Variants in ZC3H12B observed in about 807,000 individuals in gnomAD.
ZC3H12B encodes the protein zinc finger CCCH-type containing 12B, also known as probable ribonuclease ZC3H12B.
ZC3H12B carries 7 observed loss-of-function variants against 43.9 expected under a neutral mutation model. The observed-to-expected ratio is 0.16, with a 90% CI of 0.09 to 0.30. The LOEUF (loss-of-function observed/expected upper bound fraction) is 0.30, where lower values mean the gene tolerates loss of function less well. ZC3H12B is among the 10% of genes least tolerant of loss of function. ZC3H12B has a pLI of 1.00. For missense variants in ZC3H12B, 475 were observed against 670.2 expected (o/e 0.71, Z 3.22); for synonymous variants, 222 against 241.7 (o/e 0.92, Z 0.76).
chrX:65,106,268 G>T, the ZC3H12B span, among the ~76,000 whole-genome samples: 3 of 111,958 alleles, frequency 2.7e-5, no homozygotes, highest in Admixed American at 1.9e-4. Context: ...TAAATTAGAT[G>T]AGTAGATAAA....
chrX:65,145,757 G>A, the ZC3H12B span, among the ~76,000 whole-genome samples: 2 of 111,360 alleles, frequency 1.8e-5, no homozygotes, highest in Non-Finnish European at 3.8e-5. Flanking sequence ...AGTTTTGCTG[G>A]GTACAAAATC....
chrX:65,434,078 G>T (rs1269528215), intron 3 of ZC3H12B, among the ~76,000 whole-genome samples: 1 of 111,566 alleles, frequency 9.0e-6, no homozygotes, highest in African/African-American at 3.3e-5. Context: ...TAGTAAGTAT[G>T]CCAATCTTGT....
the ZC3H12B span, among the ~76,000 whole-genome samples, chrX:65,155,426 C>G: frequency 8.9e-6 from 1 of 111,888 alleles, no homozygotes; most frequent in Non-Finnish European, 1.9e-5. Flanking sequence ...CTGGGCTAAA[C>G]CCACTTTGAT....
intron 3 of ZC3H12B, among the ~76,000 whole-genome samples, chrX:65,407,506 C>A (rs2066846013): frequency 8.8e-6 from 1 of 113,466 alleles, no homozygotes; most frequent in Non-Finnish European, 1.9e-5. Flanking sequence ...AGCACCCGGG[C>A]CGAGGGCGCA....
intron 2 of ZC3H12B, among the ~76,000 whole-genome samples, chrX:65,377,137 A>G (rs1448896916): frequency 1.8e-5 from 2 of 109,221 alleles, no homozygotes; most frequent in African/African-American, 6.7e-5. Flanking sequence ...AGAATGCACC[A>G]AAGTCTTTTA....
chrX:65,066,268 T>C, the ZC3H12B span, among the ~76,000 whole-genome samples: 1 of 111,707 alleles, frequency 9.0e-6, no homozygotes, highest in Non-Finnish European at 1.9e-5. Context: ...TTTTTCCTTA[T>C]CTTCATGGAT....
chrX:65,095,705 C>A, the ZC3H12B span, among the ~76,000 whole-genome samples: 1 of 111,848 alleles, frequency 8.9e-6, no homozygotes, highest in Admixed American at 9.5e-5. Flanking sequence ...AACTGTTTTA[C>A]CAGAGCCTAA....
upstream of ZC3H12B, among the ~76,000 whole-genome samples, chrX:65,362,878 C>G (rs986404444): frequency 3.6e-5 from 4 of 111,429 alleles, no homozygotes; most frequent in Non-Finnish European, 7.5e-5. Context: ...TGCCTATCCA[C>G]CCCGTGGTGC....
chrX:65,421,216 CA>C (rs2067013623), intron 3 of ZC3H12B, among the ~76,000 whole-genome samples: 1 of 112,336 alleles, frequency 8.9e-6, no homozygotes, highest in African/African-American at 3.2e-5. Flanking sequence ...TACTAAAAGT[CA>C]AATTATCTGT....
At chrX:65,477,080 A>G (rs1483301552) in intron 3 of ZC3H12B, among the ~76,000 whole-genome samples, 1 of 104,752 alleles carries the variant, frequency 9.5e-6, no homozygotes, top group Non-Finnish European at 1.9e-5. Flanking sequence ...ATGACCTGCC[A>G]GCTTCAGACT....
At chrX:65,315,415 T>C in the ZC3H12B span, among the ~76,000 whole-genome samples, 1 of 111,203 alleles carries the variant, frequency 9.0e-6, no homozygotes, top group Non-Finnish European at 1.9e-5. Flanking sequence ...CATTTGAAAA[T>C]ACATTTGAGA....
chrX:65,262,219 A>C, the ZC3H12B span, among the ~76,000 whole-genome samples: 9 of 111,382 alleles, frequency 8.1e-5, no homozygotes, highest in Non-Finnish European at 1.3e-4. Flanking sequence ...ACTGTTTTTC[A>C]AGTCATTCAT....
chrX:65,156,613 C>T, the ZC3H12B span, among the ~76,000 whole-genome samples: 1 of 110,888 alleles, frequency 9.0e-6, no homozygotes, highest in African/African-American at 3.3e-5. Context: ...ACTCTCGACC[C>T]CAGGTAATCC....
chrX:65,299,716 T>A, the ZC3H12B span, among the ~76,000 whole-genome samples: 3 of 112,055 alleles, frequency 2.7e-5, no homozygotes, highest in Admixed American at 2.8e-4. Context: ...AGGCTCCCAG[T>A]GTGAAATTTT....
the ZC3H12B span, among the ~76,000 whole-genome samples, chrX:65,167,115 C>T: frequency 8.1e-5 from 9 of 111,764 alleles, no homozygotes; most frequent in Non-Finnish European, 1.1e-4. Flanking sequence ...GAAGTACTTG[C>T]CCATGCCTAT....
chrX:65,245,541 G>T, the ZC3H12B span, among the ~76,000 whole-genome samples: 1 of 112,076 alleles, frequency 8.9e-6, no homozygotes, highest in Middle Eastern at 4.6e-3. Flanking sequence ...GTCTACATAT[G>T]CAAATCAGTA....
At chrX:65,057,619 A>C in the ZC3H12B span, among the ~76,000 whole-genome samples, 3 of 111,190 alleles carry the variant, frequency 2.7e-5, no homozygotes, top group African/African-American at 9.8e-5. Context: ...CCTGAATTTG[A>C]ATGTTGGCCT....
chrX:65,249,089 G>A, the ZC3H12B span, among the ~76,000 whole-genome samples: 1 of 111,493 alleles, frequency 9.0e-6, no homozygotes, highest in African/African-American at 3.3e-5. Context: ...GATTAATTAA[G>A]TCCTAGCAAT....
chrX:65,400,610 A>T (rs1272837918), intron 3 of ZC3H12B, among the ~76,000 whole-genome samples: 1 of 111,793 alleles, frequency 8.9e-6, no homozygotes, highest in East Asian at 2.8e-4. Flanking sequence ...TCTTCAAAAA[A>T]TTTGCAAGGG....
Sources: allele counts gnomAD v4.1 joint callset (sites outside exome capture counted in the v4.1 genomes callset), GRCh38; gene constraint gnomAD v4.1.1; transcripts MANE v1.5; gene names NCBI Gene and HGNC (gene_info 2026-07-23, HGNC 2026-07-21).